The following ZNF469 variants were observed in gnomAD, a reference collection of about 807,000 sequenced individuals.
The protein encoded by ZNF469 is zinc finger protein 469.
ZNF469 carries 1 observed loss-of-function variant against 1.0 expected under a neutral mutation model. That is an observed-to-expected ratio of 1.00 (90% CI 0.35 to 4.73). The LOEUF (loss-of-function observed/expected upper bound fraction) is 4.73. Among genes scored for constraint, ZNF469 ranks in the 30% most tolerant of loss-of-function variants. ZNF469 has a pLI of 0.16. For synonymous variants in ZNF469, 2,703 were observed against 2,363.4 expected (o/e 1.14, Z -4.17); for missense variants, 6,100 against 5,356.3 (o/e 1.14, Z -4.33).
Position 88,434,419 on chromosome 16 carries a change from A to G in ZNF469, c.6949A>G (p.Thr2317Ala). The G allele has an allele frequency of 6.5e-7, 1 of 1,549,598 alleles. No homozygotes were observed. The highest frequency in any genetic ancestry group is 8.7e-7 in the Non-Finnish European group (1 of 1,146,892). ...DPQSRGAPPH[T>A]NPDRMPRGHS... ...CCAGAGCAGGGGAGCCCCGCCCCAC[A>G]CCAACCCTGACAGGATGCCCAGGGG... The change falls in exon 3 of 3, where the codon ACC becomes GCC. Residue 2317 changes from threonine (T) to alanine (A), a missense_variant. Physicochemically the swap from Thr to Ala is moderately conservative, Grantham distance 58 (BLOSUM62 0). Transcript: ENST00000565624.
Position 88,428,162 on chromosome 16 carries a change from G to C in ZNF469, c.692G>C (p.Gly231Ala), listed in dbSNP as rs1436655179. 1.3e-6 allele frequency: 2 copies of C among 1,550,204 alleles called. No individual in the cohort carries two copies. Among genetic ancestry groups the C allele is most frequent in the East Asian group, 4.9e-5 (2 of 40,910 alleles). The change falls in exon 3 of 3, where the codon GGG becomes GCG. Residue 231 changes from glycine (G) to alanine (A), a missense_variant. Coordinates refer to ENST00000565624, the MANE Select transcript of ZNF469 (RefSeq NM_001367624.2). ...TCCTATCCCGAATACCAGGCCAGTG[G>C]GGCCGACTCCTGGCCTCCCGCTGCT... Reference protein sequence around the residue: ...PGSYPEYQASGADSWPPAAEN... With the variant: ...PGSYPEYQASAADSWPPAAEN...
At chr16:88,244,257 A>C in the ZNF469 span, among the ~76,000 whole-genome samples, 1 of 150,596 alleles carries the variant, frequency 6.6e-6, no homozygotes, top group African/African-American at 2.4e-5. Flanking sequence ...GGGTGAATGC[A>C]TACATGGATG....
the ZNF469 span, among the ~76,000 whole-genome samples, chr16:88,168,108 T>C: frequency 0.025 from 3,739 of 152,328 alleles, 151 homozygotes; most frequent in African/African-American, 0.086. The surrounding 1 kb of genome is among the most constrained non-coding windows in gnomAD (Gnocchi z 4.3). Flanking sequence ...CACAGTTTTG[T>C]AAGAGCTAAT....
chr16:88,174,908 G>A, the ZNF469 span, among the ~76,000 whole-genome samples: 6 of 151,558 alleles, frequency 4.0e-5, no homozygotes, highest in Non-Finnish European at 7.4e-5. Flanking sequence ...AAACATTGGC[G>A]CCACAACCTC....
Position 88,417,906 on chromosome 16 carries a change from G to A in ZNF469, c.-191-6901G>A, listed in dbSNP as rs1269627430. Among the ~76,000 whole-genome samples, 9 of 152,354 alleles carry A rather than the reference G, an allele frequency of 5.9e-5. No homozygotes were observed. In the South Asian group the frequency reaches 1.9e-3, roughly 32 times the overall value. ...CACGTATGAGCATGTGCTCACGCGT[G>A]TGCATGGATGAGCATGCATAACTGC... On this transcript the variant is annotated intron_variant, in intron 1 of 2. Transcript: ENST00000565624.
the ZNF469 span, among the ~76,000 whole-genome samples, chr16:88,193,165 GTGGTGGGGA>G: frequency 1.9e-3 from 27 of 14,128 alleles, 1 homozygote; most frequent in South Asian, 8.8e-3. Context: ...GGTGGTGATG[GTGGTGGGGA>G]TGGTGGTGAT....
Position 88,428,120 on chromosome 16 carries a change from G to A in ZNF469, c.650G>A (p.Ser217Asn), listed in dbSNP as rs1407961954. The part of the protein sequence containing the change: ...APGPPQSRGT[S>N]PLQPGSYPEY... ...GGGCCCCCCCAGAGCAGGGGCACCAGCCCCCTCCAGCCCGGTTCCTATCCC... is the reference window on the plus strand; with the variant it reads ...GGGCCCCCCCAGAGCAGGGGCACCAACCCCCTCCAGCCCGGTTCCTATCCC... Residue 217 changes from serine (S) to asparagine (N), a missense_variant, in exon 3 of 3, where the codon AGC becomes AAC. Transcript: ENST00000565624. 1.3e-6 allele frequency: 2 copies of A among 1,549,600 alleles called. No homozygotes were observed. Among genetic ancestry groups the A allele is most frequent in the Non-Finnish European group, 8.7e-7 (1 of 1,146,652 alleles).
At position 88,438,641 on chromosome 16, in the gene ZNF469, C is replaced by T. The variant is rs1011703377; in HGVS notation, c.11171C>T (p.Pro3724Leu). ...GTENGMKPAT[P>L]KAKPGPSSQG... ...GAGAATGGGATGAAGCCCGCCACCC[C>T]CAAAGCCAAACCCGGCCCCAGCTCC... The change falls in exon 3 of 3, where the codon CCC (proline) becomes CTC (leucine). Residue 3724 changes from proline to leucine, a missense_variant. Transcript: ENST00000565624. 2.6e-6 allele frequency: 4 copies of T among 1,550,080 alleles called. No individual in the cohort carries two copies. The highest frequency in any genetic ancestry group is 1.7e-4 in the Middle Eastern group (1 of 5,992).
At chr16:88,182,701 AG>A in the ZNF469 span, among the ~76,000 whole-genome samples, 1 of 151,692 alleles carries the variant, frequency 6.6e-6, no homozygotes, top group African/African-American at 2.4e-5. Context: ...AAAAACAGAG[AG>A]AAATGAATCT....
chr16:88,373,858 G>A, the ZNF469 span, among the ~76,000 whole-genome samples: 3 of 152,164 alleles, frequency 2.0e-5, no homozygotes, highest in Non-Finnish European at 2.9e-5. Flanking sequence ...TTAGCTGAGC[G>A]TGGTGGTGCA....
At chr16:88,204,150 G>A in the ZNF469 span, among the ~76,000 whole-genome samples, 3 of 151,144 alleles carry the variant, frequency 2.0e-5, no homozygotes, top group Admixed American at 6.6e-5. Flanking sequence ...ACCCCATAGA[G>A]CAGCCGGAGG....
chr16:88,433,411 G>A lies in ZNF469; in HGVS notation c.5941G>A (p.Gly1981Arg). 6.5e-7 allele frequency: 1 copy of A among 1,550,366 alleles called. No individual in the cohort carries two copies. Among genetic ancestry groups the A allele is most frequent in the Non-Finnish European group, 8.7e-7 (1 of 1,146,952 alleles). ...ACATCAGCTGGGGCTGGAGGCAGATGGACATTGGGGCTTGCTTGGCCAAGC... is the reference window on the plus strand; with the variant it reads ...ACATCAGCTGGGGCTGGAGGCAGATAGACATTGGGGCTTGCTTGGCCAAGC... ...AGHQLGLEAD[G>R]HWGLLGQAEK... Residue 1981 changes from glycine to arginine, a missense_variant, in exon 3 of 3, where the codon GGA (glycine) becomes AGA (arginine). By Grantham distance (125) the Gly-to-Arg change is moderately radical (BLOSUM62 -2). Transcript: ENST00000565624.
chr16:88,298,994 C>T, the ZNF469 span, among the ~76,000 whole-genome samples: 1 of 152,210 alleles, frequency 6.6e-6, no homozygotes, highest in Non-Finnish European at 1.5e-5. Context: ...CCTAGGCCAG[C>T]CTGAGCCTGT....
chr16:88,105,045 A>C, the ZNF469 span, among the ~76,000 whole-genome samples: 1 of 152,160 alleles, frequency 6.6e-6, no homozygotes, highest in East Asian at 1.9e-4. Flanking sequence ...GTGAGACCCT[A>C]TCTCTACAAG....
the ZNF469 span, among the ~76,000 whole-genome samples, chr16:88,123,252 T>C: frequency 0.098 from 14,815 of 151,812 alleles, 779 homozygotes; most frequent in African/African-American, 0.12. Flanking sequence ...GTCCATGGAG[T>C]CGGGCAGCAT....
the ZNF469 span, among the ~76,000 whole-genome samples, chr16:88,153,781 T>C: frequency 6.6e-6 from 1 of 152,096 alleles, no homozygotes; most frequent in South Asian, 2.1e-4. Context: ...GGATGGCGTC[T>C]CCTCCCCCAT....
At position 88,437,988 on chromosome 16, in the gene ZNF469, G is replaced by A. The variant is rs376379111; in HGVS notation, c.10518G>A (p.Pro3506=). 2.1e-3 allele frequency: 3,295 copies of A among 1,548,574 alleles called. 6 individuals are homozygous for A. Among genetic ancestry groups the A allele is most frequent in the South Asian group, 5.1e-3 (427 of 84,054 alleles). The change falls in exon 3 of 3, where the codon CCG becomes CCA. Residue 3506 remains proline, a synonymous_variant. Transcript: ENST00000565624. ...SSPILSEGSL[P]ALLHLCSEVA... is the part of the protein sequence containing the mutation. ...CCATCCTGAGTGAGGGCTCTCTCCC[G>A]GCCCTGCTCCACCTGTGTTCGGAGG...
At chr16:88,116,293 C>T in the ZNF469 span, among the ~76,000 whole-genome samples, 2 of 152,282 alleles carry the variant, frequency 1.3e-5, no homozygotes, top group Admixed American at 6.5e-5. Flanking sequence ...CCCATGAGGA[C>T]GGCCAGCACA....
chr16:88,343,310 C>G, the ZNF469 span, among the ~76,000 whole-genome samples: 2 of 152,138 alleles, frequency 1.3e-5, no homozygotes, highest in African/African-American at 4.8e-5. Context: ...TAAACATCCA[C>G]GAGCCCACAG....
Sources: gnomAD v4.1 joint callset for allele counts (sites outside exome capture counted in the v4.1 genomes callset) on GRCh38, gnomAD v4.1.1 for gene constraint, Gnocchi (gnomAD v3.1) non-coding constraint, MANE v1.5 for transcripts, NCBI Gene and HGNC (gene_info 2026-07-23, HGNC 2026-07-21) for gene names.